PHLPP1: variants seen among roughly 807,000 people sequenced by gnomAD.
PHLPP1 encodes PH domain leucine-rich repeat-containing protein phosphatase 1.
A neutral mutation model predicts 117.2 loss-of-function variants in PHLPP1; 42 were observed. That is an observed-to-expected ratio of 0.36 (90% CI 0.28 to 0.46). The LOEUF is 0.46. PHLPP1 is among the 20% of genes least tolerant of loss of function. PHLPP1 has a pLI of 1.00. For synonymous variants in PHLPP1, 1,042 were observed against 970.7 expected (o/e 1.07, Z -1.37); for missense variants, 2,084 against 2,241.9 (o/e 0.93, Z 1.42).
At chr18:62,936,954 G>T (rs1909987537) in intron 10 of PHLPP1, among the ~76,000 whole-genome samples, 1 of 152,226 alleles carries the variant, frequency 6.6e-6, no homozygotes, top group Non-Finnish European at 1.5e-5. Flanking sequence ...TCAGAGGGTT[G>T]CCTAAAAGTA....
In PHLPP1 at chr18:62,717,203, G is replaced by A; in HGVS notation, c.1520G>A (p.Arg507Lys). ...CAACTGGGATTTGGGGAGCTGTGGAGGGTGCAGGAGGAAGGCATGGACTCG... is the reference window on the plus strand; with the variant it reads ...CAACTGGGATTTGGGGAGCTGTGGAAGGTGCAGGAGGAAGGCATGGACTCG... The part of the protein sequence containing the change: ...LFQLGFGELW[R>K]VQEEGMDSEI... The change falls in exon 1 of 17, where the codon AGG becomes AAG. Residue 507 changes from arginine to lysine, a missense_variant. Physicochemically the swap from Arg to Lys is conservative, Grantham distance 26. Transcript: ENST00000262719. The A allele has an allele frequency of 1.2e-6, 2 of 1,610,670 alleles. No individual in the cohort carries two copies. Among genetic ancestry groups the A allele is most frequent in the Admixed American group, 1.7e-5 (1 of 59,864 alleles).
At chr18:62,976,989 A>G (rs1911206661) in intron 16 of PHLPP1, among the ~76,000 whole-genome samples, 1 of 152,204 alleles carries the variant, frequency 6.6e-6, no homozygotes, top group African/African-American at 2.4e-5. Context: ...GAATCACAAA[A>G]CCATTGGTTT....
rs557519872 is a variant in PHLPP1 at position 62,850,258 on chromosome 18, G to C, written c.1900-10177G>C. 5.9e-4 allele frequency among the ~76,000 whole-genome samples: 90 copies of C among 151,392 alleles called. 1 individual carries two copies. In the South Asian group the frequency reaches 0.018, roughly 30 times the overall value. ...CAAAAATTAGCTGGGTGTGGTGGCA[G>C]GCACCTGTAATCCCAGCTACTCAGG... On this transcript the variant is annotated intron_variant, in intron 3 of 16. Coordinates refer to ENST00000262719, the MANE Select transcript of PHLPP1 (RefSeq NM_194449.4).
chr18:62,763,845 G>A (rs1006809941), intron 1 of PHLPP1, among the ~76,000 whole-genome samples: 6 of 151,948 alleles, frequency 3.9e-5, no homozygotes, highest in East Asian at 1.9e-4. Flanking sequence ...GTTGGTAAAC[G>A]CTTAAATGCT....
intron 1 of PHLPP1, among the ~76,000 whole-genome samples, chr18:62,742,962 C>T (rs529705527): frequency 9.2e-5 from 14 of 152,258 alleles, no homozygotes; most frequent in Middle Eastern, 6.8e-3. Flanking sequence ...TCAGTGTGTT[C>T]TCTTAATACT....
At chr18:62,937,450 C>T (rs1034829806) in intron 10 of PHLPP1, among the ~76,000 whole-genome samples, 3 of 152,226 alleles carry the variant, frequency 2.0e-5, no homozygotes, top group Non-Finnish European at 4.4e-5. Flanking sequence ...AGGTGCCCTG[C>T]TTGACCCTCC....
At position 62,978,969 on chromosome 18, in the gene PHLPP1, G is replaced by A. The variant is rs766298465; in HGVS notation, c.4692G>A (p.Glu1564=). The A allele has an allele frequency of 1.2e-5, 19 of 1,611,298 alleles. No individual in the cohort carries two copies. The highest frequency in any genetic ancestry group is 1.6e-5 in the Non-Finnish European group (19 of 1,178,934). Residue 1564 remains glutamate, a synonymous_variant, in exon 17 of 17, where the codon GAG becomes GAA. Transcript: ENST00000262719. The surrounding 1 kb of genome is among the most constrained non-coding windows in gnomAD (Gnocchi z 7.0). ...TCTTCACCAACGGCAGCCGGGTGGA[G>A]GTGGAGGTGGACATCCACTGCAGCC... is the stretch of plus-strand genomic sequence containing the variant. ...EGVFTNGSRV[E]VEVDIHCSRA...
In PHLPP1 at chr18:62,769,317, C is replaced by T. The variant is rs78109225; in HGVS notation, c.1576+52058C>T. Among the ~76,000 whole-genome samples, 698 of 152,166 alleles carry T rather than the reference C, an allele frequency of 4.6e-3. 2 individuals are homozygous for T. The highest frequency in any genetic ancestry group is 6.8e-3 in the Middle Eastern group (2 of 294). The stretch of plus-strand genomic sequence containing the variant: ...GTTCTTAAAGAGGATTTTATGTAAT[C>T]CCTGGTTTCTGCCAGGCTGTTTTGA... On this transcript the variant is annotated intron_variant, in intron 1 of 16. Coordinates refer to ENST00000262719, the MANE Select transcript of PHLPP1 (RefSeq NM_194449.4).
chr18:62,892,082 CTTTTTT>C (rs200141250), intron 4 of PHLPP1, among the ~76,000 whole-genome samples: 4 of 107,966 alleles, frequency 3.7e-5, no homozygotes, highest in Non-Finnish European at 7.0e-5. Flanking sequence ...TTCTTTCTTT[CTTTTTT>C]TTTTTTTTTT....
rs532772124 is a variant in PHLPP1, at chr18:62,716,560, G to T, written c.877G>T (p.Gly293Trp). ...GAGGAGCGCGCCGGGTGCCTTCGGG[G>T]GGCCTCCGCGCGCGCCCCCCGCCGA... ...PARSAPGAFGGPPRAPPADLP... is the reference protein window; with the variant it reads ...PARSAPGAFGWPPRAPPADLP... The change falls in exon 1 of 17, where the codon GGG becomes TGG. Residue 293 changes from glycine to tryptophan, a missense_variant. Gly to Trp is a radical substitution (Grantham distance 184, BLOSUM62 -2). Transcript: ENST00000262719. The surrounding 1 kb of genome is among the most constrained non-coding windows in gnomAD (Gnocchi z 5.7). 99 of 1,192,170 alleles carry T rather than the reference G, an allele frequency of 8.3e-5. No homozygotes were observed. In the South Asian group the frequency reaches 3.3e-3, roughly 40 times the overall value. The allele number at this position is 1,192,170 out of a possible 1,614,324, so 73.8% of individuals were successfully genotyped here. A position where few individuals can be genotyped will look rare whatever the true frequency, so the allele number is the denominator to read the frequency against.
At chr18:62,754,908 A>T (rs966669650) in intron 1 of PHLPP1, among the ~76,000 whole-genome samples, 2 of 152,034 alleles carry the variant, frequency 1.3e-5, no homozygotes, top group Non-Finnish European at 2.9e-5. Flanking sequence ...AGGTGGGAGG[A>T]TTGCTTGAGC....
At chr18:62,903,295 A>G in intron 7 of PHLPP1, 129 bp downstream of exon 7, 1 of 664,816 alleles carries the variant, frequency 1.5e-6, no homozygotes, top group Non-Finnish European at 2.5e-6. Context: ...CTAAAATAAA[A>G]GTCACAAAAG....
chr18:62,891,402 A>C (rs1361269736), intron 4 of PHLPP1, among the ~76,000 whole-genome samples: 1 of 152,220 alleles, frequency 6.6e-6, no homozygotes, highest in Admixed American at 6.5e-5. Context: ...AGCCTGGCCA[A>C]CATAGTGAAA....
chr18:62,865,617 C>T (rs972532190), intron 4 of PHLPP1, among the ~76,000 whole-genome samples: 4 of 152,154 alleles, frequency 2.6e-5, no homozygotes, highest in Non-Finnish European at 5.9e-5. Flanking sequence ...CATTAGAATT[C>T]ATCCAGACTA....
intron 1 of PHLPP1, among the ~76,000 whole-genome samples, chr18:62,779,868 T>C (rs1341277223): frequency 6.6e-6 from 1 of 152,178 alleles, no homozygotes; most frequent in African/African-American, 2.4e-5. Flanking sequence ...GAGTTAAAGC[T>C]TGGCTGAGGC....
intron 6 of PHLPP1, among the ~76,000 whole-genome samples, chr18:62,899,265 A>G (rs1016129102): frequency 6.6e-6 from 1 of 152,194 alleles, no homozygotes; most frequent in Admixed American, 6.5e-5. Context: ...CTTCAACCCC[A>G]GTGTGAGTCC....
chr18:62,756,966 C>T (rs879421692), intron 1 of PHLPP1, among the ~76,000 whole-genome samples: 2 of 152,114 alleles, frequency 1.3e-5, no homozygotes, highest in East Asian at 1.9e-4. Flanking sequence ...CATGTACATA[C>T]GATTGAGACT....
At chr18:62,758,023 T>C (rs748243428) in intron 1 of PHLPP1, among the ~76,000 whole-genome samples, 23 of 152,208 alleles carry the variant, frequency 1.5e-4, no homozygotes, top group Non-Finnish European at 1.8e-4. Context: ...TCGTCGGTTA[T>C]AGTGTGGTAG....
chr18:62,785,008 A>G (rs1055265756), intron 1 of PHLPP1, among the ~76,000 whole-genome samples: 9 of 152,226 alleles, frequency 5.9e-5, no homozygotes, highest in African/African-American at 2.2e-4. Flanking sequence ...CTCCAAAATT[A>G]GGTTGTTATA....
Sources: allele counts gnomAD v4.1 joint callset (sites outside exome capture counted in the v4.1 genomes callset), GRCh38; gene constraint gnomAD v4.1.1; non-coding constraint Gnocchi (gnomAD v3.1); transcripts MANE v1.5; gene names NCBI Gene and HGNC (gene_info 2026-07-23, HGNC 2026-07-21).